TPCN1: variants seen among roughly 807,000 people sequenced by gnomAD.
The protein encoded by TPCN1 is two pore channel protein 1.
TPCN1 carries 52 observed loss-of-function variants against 108.8 expected under a neutral mutation model. The observed-to-expected ratio is 0.48, with a 90% CI of 0.38 to 0.60. The LOEUF (loss-of-function observed/expected upper bound fraction) is 0.60, where lower values mean the gene tolerates loss of function less well. Among genes scored for constraint, TPCN1 ranks in the 20% least tolerant of loss-of-function variants. TPCN1 has a pLI of 0.00. For synonymous variants in TPCN1, 446 were observed against 433.7 expected, an observed-to-expected ratio of 1.03 and a Z score of -0.35; for missense variants, 806 against 1,072.8, an observed-to-expected ratio of 0.75 and a Z score of 3.47.
chr12:113,289,341 C>T lies in TPCN1; in HGVS notation c.1796+494C>T, dbSNP rs2136753010. Among the ~76,000 whole-genome samples, 1 of 152,382 alleles carries T rather than the reference C, an allele frequency of 6.6e-6. No individual in the cohort carries two copies. The highest frequency in any genetic ancestry group is 2.1e-4 in the South Asian group (1 of 4,828). ...AAATCACTGCACACTGCCATTCATT[C>T]ATCCTCAATTCAGAGAGTCCTCTTA... On this transcript the variant is annotated intron_variant, in intron 21 of 27. Coordinates refer to ENST00000335509, the MANE Select transcript of TPCN1 (RefSeq NM_017901.6). The surrounding 1 kb of genome is among the most constrained non-coding windows in gnomAD (Gnocchi z 4.1).
At chr12:113,264,134 A>G (rs554506293) in intron 3 of TPCN1, among the ~76,000 whole-genome samples, 1 of 152,030 alleles carries the variant, frequency 6.6e-6, no homozygotes, top group South Asian at 2.1e-4. Flanking sequence ...CCCCCTGCCC[A>G]CTGCTGTGGT....
intron 2 of TPCN1, among the ~76,000 whole-genome samples, chr12:113,252,982 A>C (rs1175403811): frequency 6.6e-6 from 1 of 152,124 alleles, no homozygotes; most frequent in African/African-American, 2.4e-5. Flanking sequence ...ATGCTAGTGT[A>C]TTTTTGGTCC....
chr12:113,283,665 C>G (rs1015482192), intron 15 of TPCN1, among the ~76,000 whole-genome samples: 1 of 151,896 alleles, frequency 6.6e-6, no homozygotes, highest in African/African-American at 2.4e-5. Context: ...AGAAATGTAC[C>G]TCATTTCTTT....
intron 2 of TPCN1, among the ~76,000 whole-genome samples, chr12:113,234,393 G>T (rs1249175944): frequency 6.6e-6 from 1 of 152,232 alleles, no homozygotes; most frequent in Non-Finnish European, 1.5e-5. Context: ...TTTGGAGCGG[G>T]GCATGAGGTT....
chr12:113,291,963 G>A lies in TPCN1; in HGVS notation c.2113+5G>A. Reference sequence around the variant, plus strand: ...GCAAGAACCAGGACTCGGAAGGTCTGTGCAGGGATGATGCCTTGGGCATTT... The same window carrying A: ...GCAAGAACCAGGACTCGGAAGGTCTATGCAGGGATGATGCCTTGGGCATTT... On this transcript the variant is annotated splice_donor_5th_base_variant and intron_variant, in intron 25 of 27. Coordinates refer to ENST00000335509, the MANE Select transcript of TPCN1 (RefSeq NM_017901.6). 6.2e-7 allele frequency: 1 copy of A among 1,613,700 alleles called. No homozygotes were observed. Among genetic ancestry groups the A allele is most frequent in the Non-Finnish European group, 8.5e-7 (1 of 1,179,622 alleles).
At chr12:113,251,017 T>G (rs1954612433) in intron 2 of TPCN1, among the ~76,000 whole-genome samples, 1 of 151,822 alleles carries the variant, frequency 6.6e-6, no homozygotes, top group South Asian at 2.1e-4. Context: ...GAAGAATTCT[T>G]TCCGGCCAGG....
chr12:113,265,693 T>G (rs985972723), intron 3 of TPCN1, among the ~76,000 whole-genome samples: 1 of 152,052 alleles, frequency 6.6e-6, no homozygotes, highest in Non-Finnish European at 1.5e-5. Flanking sequence ...ACCAGGGGTC[T>G]CAACATGTTG....
At chr12:113,225,870 TA>T in intron 1 of TPCN1, among the ~76,000 whole-genome samples, 1 of 152,154 alleles carries the variant, frequency 6.6e-6, no homozygotes. Context: ...TTTTATTTTT[TA>T]AGAGACAGGA....
intron 2 of TPCN1, among the ~76,000 whole-genome samples, chr12:113,237,980 G>A (rs761933846): frequency 1.3e-5 from 2 of 152,240 alleles, no homozygotes; most frequent in African/African-American, 2.4e-5. Context: ...TTCTGTTTCC[G>A]GCAGATAAGT....
At position 113,249,747 on chromosome 12, in the gene TPCN1, C is replaced by G. The variant is rs77688535; in HGVS notation, c.113-10621C>G. 1,836 of 152,486 alleles carry G rather than the reference C, an allele frequency of 0.012. 69 individuals are homozygous for G. The East Asian group carries it at 0.15, about 12-fold the overall frequency. 9.4% of individuals were successfully genotyped at this position (152,486 alleles called of 1,614,324 possible). On this transcript the variant is annotated intron_variant, in intron 2 of 27. Transcript: ENST00000335509. ...CGGTGATGGCCTCTACACGCTGGCT[C>G]TGGTTCCTGGATGGTTCTCATCCCC...
At chr12:113,236,757 C>T (rs1953914484) in intron 2 of TPCN1, among the ~76,000 whole-genome samples, 1 of 152,124 alleles carries the variant, frequency 6.6e-6, no homozygotes, top group African/African-American at 2.4e-5. Flanking sequence ...TTGAATCCAG[C>T]CCTGACTTCT....
chr12:113,279,355 GTGTGTATATATA>G (rs1373442570), intron 14 of TPCN1, among the ~76,000 whole-genome samples: 26 of 65,774 alleles, frequency 4.0e-4, no homozygotes, highest in African/African-American at 1.9e-3. Context: ...ATGTGTGTGT[GTGTGTATATATA>G]TATATATATA....
At chr12:113,277,865 G>T (rs1212414356) in intron 12 of TPCN1, among the ~76,000 whole-genome samples, 1 of 152,142 alleles carries the variant, frequency 6.6e-6, no homozygotes, top group South Asian at 2.1e-4. Context: ...TTGCATTAAG[G>T]CCCCTGCTAA....
chr12:113,226,212 C>T (rs1199934629), intron 1 of TPCN1, among the ~76,000 whole-genome samples: 1 of 151,498 alleles, frequency 6.6e-6, no homozygotes, highest in African/African-American at 2.4e-5. Context: ...TGAGCCACCC[C>T]ACCGGCCAAT....
Position 113,272,714 on chromosome 12 carries a change from C to T in TPCN1, c.783+22C>T. 1.9e-6 allele frequency: 3 copies of T among 1,611,026 alleles called. No individual in the cohort carries two copies. Among genetic ancestry groups the T allele is most frequent in the Non-Finnish European group, 2.5e-6 (3 of 1,177,126 alleles). On this transcript the variant is annotated intron_variant, in intron 8 of 27. Coordinates refer to ENST00000335509, the MANE Select transcript of TPCN1 (RefSeq NM_017901.6). This position sits in a 1 kb window ranked among gnomAD's most constrained non-coding sequence, Gnocchi z 4.1. ...CCCCGTAAGTAATCAGCACATTTGT[C>T]CGTCTCTTCTTTTATGGAGGGCTTT...
At position 113,273,125 on chromosome 12, in the gene TPCN1, G is replaced by A; in HGVS notation, c.784-107G>A. The A allele has an allele frequency of 2.1e-6, 2 of 963,910 alleles. No homozygotes were observed. The highest frequency in any genetic ancestry group is 2.6e-5 in the South Asian group (2 of 76,010). The allele number at this position is 963,910 out of a possible 1,614,324, so 59.7% of individuals were successfully genotyped here. On this transcript the variant is annotated intron_variant, in intron 8 of 27. Transcript: ENST00000335509. This position sits in a 1 kb window ranked among gnomAD's most constrained non-coding sequence, Gnocchi z 4.0. ...CTCCCTCAGGGATTCCTTGAGAGAT[G>A]CAAGAGCGGTCAAGGCAGGGCATGC...
At chr12:113,287,270 G>A in intron 19 of TPCN1, 176 bp downstream of exon 19, 1 of 604,240 alleles carries the variant, frequency 1.7e-6, no homozygotes, top group Non-Finnish European at 2.9e-6. Flanking sequence ...GGGTGTGCAG[G>A]CTGCCTGTGC....
At chr12:113,270,932 A>AC (rs1955473966) in intron 7 of TPCN1, among the ~76,000 whole-genome samples, 1 of 152,138 alleles carries the variant, frequency 6.6e-6, no homozygotes, top group South Asian at 2.1e-4. Context: ...AAACATTCAG[A>AC]CCAGAGCAGG....
rs747899451 is a variant in TPCN1, at chr12:113,272,647, C to T, written c.749-11C>T. 4 of 1,613,544 alleles carry T rather than the reference C, an allele frequency of 2.5e-6. No individual in the cohort carries two copies. In the Admixed American group the frequency reaches 5.0e-5, roughly 20 times the overall value. ...TAATCCTTTTGTTTATCTGTTTCCA[C>T]CCACTTCTAGGTTTCTACTTGTTCT... On this transcript the variant is annotated splice_polypyrimidine_tract_variant and intron_variant, in intron 7 of 27. Coordinates refer to ENST00000335509, the MANE Select transcript of TPCN1 (RefSeq NM_017901.6). The surrounding 1 kb of genome is among the most constrained non-coding windows in gnomAD (Gnocchi z 4.1).
Sources: gnomAD v4.1 joint callset for allele counts (sites outside exome capture counted in the v4.1 genomes callset) on GRCh38, gnomAD v4.1.1 for gene constraint, Gnocchi (gnomAD v3.1) non-coding constraint, MANE v1.5 for transcripts, NCBI Gene and HGNC (gene_info 2026-07-23, HGNC 2026-07-21) for gene names.